OGDHL: variants seen among roughly 807,000 people sequenced by gnomAD.
The protein encoded by OGDHL is oxoglutarate dehydrogenase L.
In OGDHL, 79 loss-of-function variants were observed where a neutral mutation model predicts 109.6. The ratio of observed to expected loss-of-function variants is 0.72; its 90% CI spans 0.60 to 0.87. The LOEUF is 0.87. Among genes scored for constraint, OGDHL ranks in the 40% least tolerant of loss-of-function variants. The probability of loss-of-function intolerance (pLI) is 0.00; values close to 1 mark genes in which losing one functional copy is unlikely to be tolerated. For missense variants in OGDHL, 1,275 were observed against 1,362.2 expected (o/e 0.94, Z 1.01); for synonymous variants, 528 against 537.2 (o/e 0.98, Z 0.24).
rs752681166 is a variant in OGDHL, at chr10:49,752,640, A to G, written c.476T>C (p.Leu159Pro). 1 of 1,613,750 alleles carries G rather than the reference A, an allele frequency of 6.2e-7. No homozygotes were observed. The highest frequency in any genetic ancestry group is 8.5e-7 in the Non-Finnish European group (1 of 1,179,612). ...GCCGTCCTGAGGAAGGGTCTTACCCAGTTTATCAATGGTTGTGATCAAGTC... is the reference window on the plus strand; with the variant it reads ...GCCGTCCTGAGGAAGGGTCTTACCCGGTTTATCAATGGTTGTGATCAAGTC... ...PSDLITTIDK[L>P]AFYDLQEADL... The change falls in exon 4 of 23, where the codon CTG (leucine) becomes CCG (proline). Residue 159 changes from leucine (L) to proline (P), a missense_variant and splice_region_variant. Leu to Pro is a moderately conservative substitution (Grantham distance 98, BLOSUM62 -3). Transcript: ENST00000374103.
chr10:49,740,864 AC>A (rs1288003203), intron 15 of OGDHL, 27 bp from the exon 16 acceptor site: 3 of 1,613,034 alleles, frequency 1.9e-6, no homozygotes, highest in Non-Finnish European at 2.5e-6. Context: ...CGGGGCAGGG[AC>A]AGAGGGCAGG....
chr10:49,757,594 G>A (rs1379022634), intron 2 of OGDHL, among the ~76,000 whole-genome samples: 1 of 152,222 alleles, frequency 6.6e-6, no homozygotes, highest in Non-Finnish European at 1.5e-5. Context: ...GCCACAGTCA[G>A]AGACTAGAAA....
At chr10:49,744,423 G>A (rs2133016275) in intron 13 of OGDHL, among the ~76,000 whole-genome samples, 1 of 152,172 alleles carries the variant, frequency 6.6e-6, no homozygotes, top group Admixed American at 6.5e-5. Flanking sequence ...CTCCCACCTG[G>A]CTATGCCCTC....
intron 11 of OGDHL, 134 bp downstream of exon 11, chr10:49,745,664 G>A (rs1050186944): frequency 3.9e-6 from 5 of 1,284,652 alleles, no homozygotes; most frequent in Non-Finnish European, 5.4e-6. Context: ...TGCACAGATT[G>A]CTCTTGGTGG....
rs1842582360 is a variant in OGDHL, at chr10:49,751,443, C to A, written c.749+384G>T. Among the ~76,000 whole-genome samples, 3 of 151,266 alleles carry A rather than the reference C, an allele frequency of 2.0e-5. No homozygotes were observed. In the South Asian group the frequency reaches 6.3e-4, roughly 32 times the overall value. Reference sequence around the variant, plus strand: ...GCAGCTGAGTCAGGTGCTCCCCCAGCCCCTGCAGCCCTGGGGGACCCAGCT... The same window carrying A: ...GCAGCTGAGTCAGGTGCTCCCCCAGACCCTGCAGCCCTGGGGGACCCAGCT... On this transcript the variant is annotated intron_variant, in intron 6 of 22. Coordinates refer to ENST00000374103, the MANE Select transcript of OGDHL (RefSeq NM_018245.3).
At chr10:49,742,791 G>A (rs1327647966) in intron 15 of OGDHL, 37 bp downstream of exon 15, 1 of 1,591,764 alleles carries the variant, frequency 6.3e-7, no homozygotes, top group South Asian at 1.1e-5. Context: ...TTCTGCTCCA[G>A]GTCTCCTGTG....
At chr10:49,750,722 C>T (rs1842528392) in intron 7 of OGDHL, 117 bp downstream of exon 7, 1 of 1,361,846 alleles carries the variant, frequency 7.3e-7, no homozygotes, top group Non-Finnish European at 9.7e-7. Flanking sequence ...TCCAGGAAAC[C>T]CACCTCTACC....
Position 49,749,787 on chromosome 10 carries a change from A to C in OGDHL, c.926T>G (p.Ile309Ser). 1 of 1,600,930 alleles carries C rather than the reference A, an allele frequency of 6.2e-7. No homozygotes were observed. Among genetic ancestry groups the C allele is most frequent in the Non-Finnish European group, 8.5e-7 (1 of 1,177,064 alleles). ...RGRLNVLANV[I>S]RKDLEQIFCQ... Reference sequence around the variant, plus strand: ...GAAGATCTGCTCCAGGTCCTTGCGGATCACGTTGGCCAGCACGTTCAGCCT... The same window carrying C: ...GAAGATCTGCTCCAGGTCCTTGCGGCTCACGTTGGCCAGCACGTTCAGCCT... Residue 309 changes from isoleucine (I) to serine (S), a missense_variant, in exon 8 of 23, where the codon ATC becomes AGC. Ile to Ser is a moderately radical substitution (Grantham distance 142). Transcript: ENST00000374103.
chr10:49,744,862 TCTCTGTCTC>T, intron 12 of OGDHL, 110 bp from the exon 13 acceptor site: 1 of 853,244 alleles, frequency 1.2e-6, no homozygotes, highest in Non-Finnish European at 1.9e-6. Context: ...CTTCTAGAAC[TCTCTGTCTC>T]TGGCCTATAG....
intron 1 of OGDHL, among the ~76,000 whole-genome samples, chr10:49,760,224 G>T (rs1298160133): frequency 6.6e-6 from 1 of 152,242 alleles, no homozygotes; most frequent in East Asian, 1.9e-4. Context: ...GGGAGCCTCT[G>T]AGTGCCCCCA....
At chr10:49,742,353 ACAC>A (rs960754410) in intron 15 of OGDHL, among the ~76,000 whole-genome samples, 5 of 8,024 alleles carry the variant, frequency 6.2e-4, no homozygotes, top group African/African-American at 2.0e-3. Flanking sequence ...CACATGCACC[ACAC>A]AACACACCAC....
At position 49,758,477 on chromosome 10, in the gene OGDHL, G is replaced by A; in HGVS notation, c.116C>T (p.Thr39Ile). The A allele has an allele frequency of 2.5e-6, 4 of 1,613,924 alleles. No homozygotes were observed. The highest frequency in any genetic ancestry group is 3.4e-6 in the Non-Finnish European group (4 of 1,180,034). The change falls in exon 2 of 23, where the codon ACC (threonine) becomes ATC (isoleucine). Residue 39 changes from threonine to isoleucine, a missense_variant. Coordinates refer to ENST00000374103, the MANE Select transcript of OGDHL (RefSeq NM_018245.3). ...GCCTCCACCTTTGCTGCTTGGGAAG[G>A]TGGCCGGTGGCCCGGAGGACCTGCT... The part of the protein sequence containing the change: ...WRSRSSGPPA[T>I]FPSSKGGGGS...
intron 7 of OGDHL, among the ~76,000 whole-genome samples, chr10:49,750,144 G>A (rs561991745): frequency 5.9e-5 from 9 of 152,226 alleles, no homozygotes; most frequent in African/African-American, 2.2e-4. Flanking sequence ...CATGCATTTG[G>A]ATGCCCTCAT....
Position 49,756,908 on chromosome 10 carries a change from G to T in OGDHL, c.243C>A (p.Ala81=). Residue 81 remains alanine, a synonymous_variant, in exon 3 of 23, where the codon GCC becomes GCA. Transcript: ENST00000374103. ...DSFFREASEE[A]FSGSAQPRPP... is the part of the protein sequence containing the mutation. ...GCCGTGGCTGAGCAGAGCCAGAAAAGGCTTCCTCGCTGGCTTCCCTGAAGA... is the reference window on the plus strand; with the variant it reads ...GCCGTGGCTGAGCAGAGCCAGAAAATGCTTCCTCGCTGGCTTCCCTGAAGA... The T allele has an allele frequency of 6.2e-7, 1 of 1,613,738 alleles. No homozygotes were observed. The highest frequency in any genetic ancestry group is 8.5e-7 in the Non-Finnish European group (1 of 1,179,834).
rs1843045031 is a variant in OGDHL, at chr10:49,758,398, ACT to A, written c.193_194del (p.Ser65CysfsTer31). On this transcript the variant is annotated frameshift_variant, in exon 2 of 23. Transcript: ENST00000374103. LOFTEE classifies it high-confidence loss of function. Reference sequence around the variant, plus strand: ...GGGTGGGGATGCTGACCTTGTGGACACTCTGGGGGTTTTCCAACCAGGCGAAG... The same window carrying A: ...GGGTGGGGATGCTGACCTTGTGGACACTGGGGGTTTTCCAACCAGGCGAAG... ...MYFAWLENPQ[S>X]VHKSWDSFFR... 6.2e-7 allele frequency: 1 copy of A among 1,609,854 alleles called. No individual in the cohort carries two copies. Among genetic ancestry groups the A allele is most frequent in the Non-Finnish European group, 8.5e-7 (1 of 1,177,290 alleles).
At chr10:49,759,550 C>A (rs530140446) in intron 1 of OGDHL, among the ~76,000 whole-genome samples, 5 of 152,258 alleles carry the variant, frequency 3.3e-5, no homozygotes, top group Admixed American at 3.3e-4. Flanking sequence ...TCCTGGAGAA[C>A]CCCCCAGATA....
chr10:49,747,486 G>A (rs905567521), intron 8 of OGDHL, among the ~76,000 whole-genome samples: 1 of 152,306 alleles, frequency 6.6e-6, no homozygotes, highest in South Asian at 2.1e-4. Flanking sequence ...TCCAGCGGTG[G>A]GGAAGGCAGG....
chr10:49,749,258 G>C (rs1180820590), intron 8 of OGDHL, among the ~76,000 whole-genome samples: 1 of 152,144 alleles, frequency 6.6e-6, no homozygotes, highest in African/African-American at 2.4e-5. Flanking sequence ...TGAAGGCCTG[G>C]CCCAGGCCTC....
intron 15 of OGDHL, among the ~76,000 whole-genome samples, chr10:49,742,432 C>T: frequency 1.4e-5 from 2 of 141,574 alleles, no homozygotes; most frequent in African/African-American, 2.7e-5. Flanking sequence ...ACACACCACA[C>T]ATACAACAAA....
Sources: gnomAD v4.1 joint callset for allele counts (sites outside exome capture counted in the v4.1 genomes callset) on GRCh38, gnomAD v4.1.1 for gene constraint, MANE v1.5 for transcripts, NCBI Gene and HGNC (gene_info 2026-07-23, HGNC 2026-07-21) for gene names.